TMEM131L: variants seen among roughly 807,000 people sequenced by gnomAD.
TMEM131L encodes transmembrane 131 like.
In TMEM131L, 54 loss-of-function variants were observed where a neutral mutation model predicts 192.2. The ratio of observed to expected loss-of-function variants is 0.28; its 90% CI spans 0.23 to 0.35. The LOEUF is 0.35. Among genes scored for constraint, TMEM131L ranks in the 10% least tolerant of loss-of-function variants. The pLI is 1.00. For synonymous variants in TMEM131L, 701 were observed against 704.9 expected, an observed-to-expected ratio of 0.99 and a Z score of 0.09; for missense variants, 1,888 against 1,972.9, an observed-to-expected ratio of 0.96 and a Z score of 0.82.
Position 153,632,775 on chromosome 4 carries a change from T to TAA in TMEM131L, c.4267_4268dup (p.Asn1423LysfsTer12). The stretch of plus-strand genomic sequence containing the variant: ...CCGCCAGTGTGTGTGACAAGCAGCT[T>TAA]AAACTGCACCCTGGAGAACGGCGTG... On this transcript the variant is annotated frameshift_variant, in exon 32 of 35. Coordinates refer to ENST00000409959, the MANE Select transcript of TMEM131L (RefSeq NM_001131007.2). LOFTEE classifies it high-confidence loss of function. 1 of 1,614,112 alleles carries TAA rather than the reference T, an allele frequency of 6.2e-7. No individual in the cohort carries two copies. Among genetic ancestry groups the TAA allele is most frequent in the Non-Finnish European group, 8.5e-7 (1 of 1,180,018 alleles).
intron 21 of TMEM131L, among the ~76,000 whole-genome samples, chr4:153,599,409 A>G (rs10000932): frequency 0.32 from 49,192 of 151,828 alleles, 8,146 homozygotes; most frequent in African/African-American, 0.35. Flanking sequence ...GATCCAAACC[A>G]TATCAGCACC....
chr4:153,542,428 A>C (rs1736857113), intron 3 of TMEM131L, among the ~76,000 whole-genome samples: 1 of 152,174 alleles, frequency 6.6e-6, no homozygotes, highest in Non-Finnish European at 1.5e-5. Context: ...GCCAGAGAGC[A>C]GTCAGGTGGA....
intron 3 of TMEM131L, among the ~76,000 whole-genome samples, chr4:153,490,783 A>G (rs1732717638): frequency 6.6e-6 from 1 of 151,930 alleles, no homozygotes; most frequent in Non-Finnish European, 1.5e-5. Flanking sequence ...GTGAAACCCC[A>G]TCTCTACTAA....
intron 20 of TMEM131L, 103 bp downstream of exon 20, chr4:153,596,488 G>C: frequency 2.2e-6 from 3 of 1,394,162 alleles, no homozygotes; most frequent in Non-Finnish European, 3.0e-6. Flanking sequence ...AGACCTTCAG[G>C]ATGAAGGCTG....
chr4:153,481,324 C>T (rs142072220), intron 3 of TMEM131L, among the ~76,000 whole-genome samples: 100 of 152,302 alleles, frequency 6.6e-4, no homozygotes, highest in African/African-American at 2.0e-3. Context: ...TAACCTCATA[C>T]CTGACACCTG....
chr4:153,538,536 T>G (rs955773378), intron 3 of TMEM131L, among the ~76,000 whole-genome samples: 2 of 150,172 alleles, frequency 1.3e-5, no homozygotes, highest in South Asian at 4.2e-4. Context: ...GTGACTTTTA[T>G]TGCTTCAGCC....
At chr4:153,609,475 T>C (rs1352587233) in intron 25 of TMEM131L, among the ~76,000 whole-genome samples, 1 of 152,194 alleles carries the variant, frequency 6.6e-6, no homozygotes, top group East Asian at 1.9e-4. Context: ...CCAAACCATA[T>C]TGCATGGATT....
In TMEM131L at chr4:153,587,817, T is replaced by TAA. The variant is rs1234673380; in HGVS notation, c.1552+7_1552+8insAA. The stretch of plus-strand genomic sequence containing the variant: ...CATGGGAAAATCAAAAGCAGGTAAG[T>TAA]ATTTTGCCCTTAGGCTTTCTGTAGA... On this transcript the variant is annotated splice_region_variant and intron_variant, in intron 15 of 34. Transcript: ENST00000409959. 1.2e-6 allele frequency: 2 copies of TAA among 1,607,526 alleles called. No homozygotes were observed.
chr4:153,571,327 A>C (rs1729577247), intron 7 of TMEM131L, among the ~76,000 whole-genome samples: 1 of 152,102 alleles, frequency 6.6e-6, no homozygotes, highest in Non-Finnish European at 1.5e-5. Context: ...AAATGCCATA[A>C]ACTTCTCAAG....
chr4:153,517,026 C>G (rs537907078), intron 3 of TMEM131L, among the ~76,000 whole-genome samples: 1 of 151,992 alleles, frequency 6.6e-6, no homozygotes, highest in Non-Finnish European at 1.5e-5. Flanking sequence ...GGGGTTTCAC[C>G]GTGTTGGCCA....
intron 31 of TMEM131L, among the ~76,000 whole-genome samples, chr4:153,629,559 CT>C (rs1364737648): frequency 6.6e-6 from 1 of 152,214 alleles, no homozygotes; most frequent in East Asian, 1.9e-4. Context: ...TTCTCTGCCC[CT>C]GTCATTAGGA....
rs1266116590 is a variant in TMEM131L, at chr4:153,620,768, T to C, written c.3580T>C (p.Tyr1194His). Reference protein sequence around the residue: ...DIPFVEQEDPYRKKKLQEKRE... With the variant: ...DIPFVEQEDPHRKKKLQEKRE... ...TTCTCTTCTTTAGCAAGAAGATCCTTATAGGAAGAAAAAGCTTCAGGAGAA... is the reference window on the plus strand; with the variant it reads ...TTCTCTTCTTTAGCAAGAAGATCCTCATAGGAAGAAAAAGCTTCAGGAGAA... The change falls in exon 27 of 35, where the codon TAT becomes CAT. Residue 1194 changes from tyrosine (Y) to histidine (H), a missense_variant. Physicochemically the swap from Tyr to His is moderately conservative, Grantham distance 83. Coordinates refer to ENST00000409959, the MANE Select transcript of TMEM131L (RefSeq NM_001131007.2). 2.0e-6 allele frequency: 3 copies of C among 1,531,508 alleles called. No individual in the cohort carries two copies. The Admixed American group carries it at 5.7e-5, about 29-fold the overall frequency. 94.9% of individuals were successfully genotyped at this position (1,531,508 alleles called of 1,614,324 possible).
intron 7 of TMEM131L, among the ~76,000 whole-genome samples, chr4:153,566,026 C>T (rs1729162950): frequency 6.6e-6 from 1 of 152,032 alleles, no homozygotes; most frequent in South Asian, 2.1e-4. Flanking sequence ...CATTTAGGAT[C>T]ATTAGCCATA....
intron 3 of TMEM131L, among the ~76,000 whole-genome samples, chr4:153,543,596 C>A (rs1736957599): frequency 6.6e-6 from 1 of 152,194 alleles, no homozygotes; most frequent in Non-Finnish European, 1.5e-5. Flanking sequence ...AGACACCCCC[C>A]AGGCTGGGAC....
At chr4:153,600,170 G>T (rs1392901113) in intron 21 of TMEM131L, among the ~76,000 whole-genome samples, 2 of 152,190 alleles carry the variant, frequency 1.3e-5, no homozygotes, top group African/African-American at 4.8e-5. Flanking sequence ...TTTGAGACCA[G>T]CCTGGGCAAC....
At position 153,558,378 on chromosome 4, in the gene TMEM131L, A is replaced by G. The variant is rs1728623882; in HGVS notation, c.660+10A>G. On this transcript the variant is annotated intron_variant, in intron 7 of 34. Transcript: ENST00000409959. ...GCTGTCTCAAATGCAGGTCATTTTA[A>G]TAGATTTACTTTGAATGCTGGTGGC... 8 of 1,532,768 alleles carry G rather than the reference A, an allele frequency of 5.2e-6. No individual in the cohort carries two copies. Among genetic ancestry groups the G allele is most frequent in the Non-Finnish European group, 7.2e-6 (8 of 1,111,718 alleles). 94.9% of individuals were successfully genotyped at this position (1,532,768 alleles called of 1,614,324 possible).
At chr4:153,561,176 A>G (rs1471197448) in intron 7 of TMEM131L, among the ~76,000 whole-genome samples, 1 of 152,194 alleles carries the variant, frequency 6.6e-6, no homozygotes, top group East Asian at 1.9e-4. Context: ...GGCCATTTGT[A>G]TATCGTCTTT....
At chr4:153,568,498 T>A (rs1729372158) in intron 7 of TMEM131L, among the ~76,000 whole-genome samples, 1 of 152,242 alleles carries the variant, frequency 6.6e-6, no homozygotes, top group South Asian at 2.1e-4. Flanking sequence ...ATCCCTGCTG[T>A]AGCAGCTATA....
In TMEM131L at chr4:153,602,350, G is replaced by A; in HGVS notation, c.2453+12G>A. ...GATATCAGCATTGTGTAAGCATTGGGCTTTAACTTGATTTCAGTTTTGTGG... is the reference window on the plus strand; with the variant it reads ...GATATCAGCATTGTGTAAGCATTGGACTTTAACTTGATTTCAGTTTTGTGG... On this transcript the variant is annotated intron_variant, in intron 22 of 34. Coordinates refer to ENST00000409959, the MANE Select transcript of TMEM131L (RefSeq NM_001131007.2). 6.2e-7 allele frequency: 1 copy of A among 1,604,194 alleles called. No homozygotes were observed. Among genetic ancestry groups the A allele is most frequent in the Non-Finnish European group, 8.5e-7 (1 of 1,177,820 alleles).
Sources: allele counts gnomAD v4.1 joint callset (sites outside exome capture counted in the v4.1 genomes callset), GRCh38; gene constraint gnomAD v4.1.1; transcripts MANE v1.5; gene names NCBI Gene and HGNC (gene_info 2026-07-23, HGNC 2026-07-21).